CDC14A: variants seen among roughly 807,000 people sequenced by gnomAD.
CDC14A encodes cell division cycle 14A, also known as dual specificity protein phosphatase CDC14A.
CDC14A carries 53 observed loss-of-function variants against 74.4 expected under a neutral mutation model. The ratio of observed to expected loss-of-function variants is 0.71; its 90% CI spans 0.57 to 0.89. CDC14A has a LOEUF of 0.89. Ranked by LOEUF, CDC14A falls within the 40% of genes least tolerant of loss-of-function variation. The probability of loss-of-function intolerance (pLI) is 0.00; values close to 1 mark genes in which losing one functional copy is unlikely to be tolerated. For missense variants in CDC14A, 646 were observed against 713.7 expected (o/e 0.91, Z 1.08); for synonymous variants, 247 against 258.4 (o/e 0.96, Z 0.43).
intron 2 of CDC14A, among the ~76,000 whole-genome samples, chr1:100,375,478 G>A (rs1358044885): frequency 2.6e-5 from 4 of 152,162 alleles, no homozygotes; most frequent in Non-Finnish European, 5.9e-5. Flanking sequence ...GGGAAGGGGA[G>A]AGAGATTTTA....
intron 4 of CDC14A, among the ~76,000 whole-genome samples, chr1:100,408,944 T>G (rs1660312602): frequency 6.6e-6 from 1 of 152,210 alleles, no homozygotes; most frequent in Non-Finnish European, 1.5e-5. Context: ...GAACTTACCC[T>G]ATCTATTAAT....
At chr1:100,480,658 GT>G (rs753692428) in intron 10 of CDC14A, among the ~76,000 whole-genome samples, 4 of 152,142 alleles carry the variant, frequency 2.6e-5, no homozygotes, top group Non-Finnish European at 5.9e-5. Context: ...ACCATGAATG[GT>G]TTTTGTTTAT....
intron 4 of CDC14A, among the ~76,000 whole-genome samples, chr1:100,412,769 T>A (rs1203457131): frequency 1.8e-5 from 2 of 110,628 alleles, no homozygotes; most frequent in African/African-American, 4.6e-5. Flanking sequence ...ATATATATAT[T>A]ATATATATAT....
chr1:100,517,242 G>A (rs760941855), intron 15 of CDC14A, among the ~76,000 whole-genome samples: 19 of 152,184 alleles, frequency 1.2e-4, no homozygotes, highest in Non-Finnish European at 2.1e-4. Flanking sequence ...AAAATGGACA[G>A]ATTCTTTTTT....
chr1:100,468,649 T>C (rs1042169170), intron 10 of CDC14A, among the ~76,000 whole-genome samples: 5 of 152,252 alleles, frequency 3.3e-5, no homozygotes, highest in East Asian at 1.9e-4. Flanking sequence ...AGAATACTTA[T>C]GTATTCACTC....
rs564458817 is a variant in CDC14A, at chr1:100,387,224, T to G, written c.217-3508T>G. Among the ~76,000 whole-genome samples, 130 of 152,256 alleles carry G rather than the reference T, an allele frequency of 8.5e-4. 1 individual carries two copies. In the Middle Eastern group the frequency reaches 0.014, roughly 16 times the overall value. On this transcript the variant is annotated intron_variant, in intron 3 of 15. Coordinates refer to ENST00000336454, the MANE Select transcript of CDC14A (RefSeq NM_003672.4). Reference sequence around the variant, plus strand: ...TTAGCAAAAGGCCTAATTTTGATATTAGCAAATTTGAGATTAATTAGAAAA... The same window carrying G: ...TTAGCAAAAGGCCTAATTTTGATATGAGCAAATTTGAGATTAATTAGAAAA...
At chr1:100,455,979 A>T (rs979988289) in intron 8 of CDC14A, among the ~76,000 whole-genome samples, 5 of 152,220 alleles carry the variant, frequency 3.3e-5, no homozygotes, top group African/African-American at 9.6e-5. Flanking sequence ...ACTCTATGAG[A>T]TACAGATATT....
In CDC14A at chr1:100,353,822, T is replaced by TC; in HGVS notation, c.111dup (p.Ser38LeufsTer4). ...AAAAGCACAGTAAATACCCACTATT[T>TC]CTCCATCGATGAGGAGCTGGTCTAT... On this transcript the variant is annotated frameshift_variant, in exon 2 of 16. Coordinates refer to ENST00000336454, the MANE Select transcript of CDC14A (RefSeq NM_003672.4). LOFTEE classifies it high-confidence loss of function. The TC allele has an allele frequency of 6.2e-7, 1 of 1,608,538 alleles. No individual in the cohort carries two copies. Among genetic ancestry groups the TC allele is most frequent in the East Asian group, 2.2e-5 (1 of 44,856 alleles).
chr1:100,452,050 A>G (rs966035987), intron 7 of CDC14A, among the ~76,000 whole-genome samples: 3 of 152,228 alleles, frequency 2.0e-5, no homozygotes, highest in African/African-American at 4.8e-5. Flanking sequence ...TAGAAAACAC[A>G]TCTGTTGATA....
intron 7 of CDC14A, among the ~76,000 whole-genome samples, chr1:100,449,720 CTTT>C (rs1230629790): frequency 3.9e-5 from 6 of 152,136 alleles, no homozygotes; most frequent in Non-Finnish European, 8.8e-5. Flanking sequence ...TCTTATTCTT[CTTT>C]GTTTGAATAA....
At chr1:100,364,258 AGTGCAGTG>A (rs1375159688) in intron 2 of CDC14A, among the ~76,000 whole-genome samples, 1 of 150,758 alleles carries the variant, frequency 6.6e-6, no homozygotes, top group East Asian at 1.9e-4. Flanking sequence ...GCCAGGCTGG[AGTGCAGTG>A]GCCCGATGTC....
intron 5 of CDC14A, among the ~76,000 whole-genome samples, chr1:100,434,297 G>A (rs1475623224): frequency 5.3e-5 from 8 of 152,084 alleles, no homozygotes; most frequent in African/African-American, 1.9e-4. Context: ...AGGGTGAGAG[G>A]GAAGAACATG....
At position 100,353,084 on chromosome 1, in the gene CDC14A, C is replaced by A. The variant is rs1035500674; in HGVS notation, c.49+81C>A. 7 of 1,469,696 alleles carry A rather than the reference C, an allele frequency of 4.8e-6. No individual in the cohort carries two copies. The African/African-American group carries it at 8.3e-5, about 18-fold the overall frequency. 91.0% of individuals were successfully genotyped at this position (1,469,696 alleles called of 1,614,324 possible). On this transcript the variant is annotated intron_variant, in intron 1 of 15. Coordinates refer to ENST00000336454, the MANE Select transcript of CDC14A (RefSeq NM_003672.4). Reference sequence around the variant, plus strand: ...TCCCGCGCCACTGTCCCCACCTTCTCCTGAGGCTGCCAGTGTCCTGCAGCC... The same window carrying A: ...TCCCGCGCCACTGTCCCCACCTTCTACTGAGGCTGCCAGTGTCCTGCAGCC...
chr1:100,398,624 A>AAC (rs1557716479), intron 4 of CDC14A, among the ~76,000 whole-genome samples: 1 of 152,188 alleles, frequency 6.6e-6, no homozygotes, highest in African/African-American at 2.4e-5. Flanking sequence ...TAGGGAATAA[A>AAC]ATATATATAC....
chr1:100,361,561 G>A (rs1298102979), intron 2 of CDC14A, among the ~76,000 whole-genome samples: 1 of 152,160 alleles, frequency 6.6e-6, no homozygotes, highest in African/African-American at 2.4e-5. Context: ...TGGGGCTCAA[G>A]AAATTTTAGT....
intron 15 of CDC14A, among the ~76,000 whole-genome samples, chr1:100,514,022 A>G (rs1448554004): frequency 6.6e-6 from 1 of 152,202 alleles, no homozygotes; most frequent in African/African-American, 2.4e-5. Context: ...TATTCATAAT[A>G]AACTTGATCT....
chr1:100,490,533 C>A lies in CDC14A; in HGVS notation c.1138-4285C>A, dbSNP rs144029356. On this transcript the variant is annotated intron_variant, in intron 11 of 15. Transcript: ENST00000336454. ...TCTGGATCTTTCCTCCTTCTTCCCT[C>A]TCCCCAAGTCTGAACTCCCATGTGG... Among the ~76,000 whole-genome samples, 224 of 152,236 alleles carry A rather than the reference C, an allele frequency of 1.5e-3. 2 individuals are homozygous for A. The highest frequency in any genetic ancestry group is 0.01 in the Middle Eastern group (3 of 294).
chr1:100,429,435 G>GT (rs1017013207), intron 5 of CDC14A, among the ~76,000 whole-genome samples: 7 of 150,824 alleles, frequency 4.6e-5, no homozygotes, highest in African/African-American at 1.7e-4. Context: ...TATCCCTTTA[G>GT]TTTTTTCCTA....
chr1:100,402,351 C>T (rs1481776733), intron 4 of CDC14A, among the ~76,000 whole-genome samples: 2 of 152,024 alleles, frequency 1.3e-5, no homozygotes, highest in Non-Finnish European at 2.9e-5. Context: ...AGACGTATTC[C>T]CCATGCAGAG....
Sources: gnomAD v4.1 joint callset for allele counts (sites outside exome capture counted in the v4.1 genomes callset) on GRCh38, gnomAD v4.1.1 for gene constraint, MANE v1.5 for transcripts, NCBI Gene and HGNC (gene_info 2026-07-23, HGNC 2026-07-21) for gene names.